Variants in XXYLT1 observed in about 807,000 individuals in gnomAD.
The protein encoded by XXYLT1 is xyloside xylosyltransferase 1, also known as UDP-xylose:alpha-xyloside alpha-1,3-xylosyltransferase.
A neutral mutation model predicts 28.9 loss-of-function variants in XXYLT1; 20 were observed. The observed-to-expected ratio is 0.69, with a 90% confidence interval of 0.49 to 1.00. The LOEUF (loss-of-function observed/expected upper bound fraction) is 1.00, where lower values mean the gene tolerates loss of function less well. XXYLT1 is among the 50% of genes least tolerant of loss of function. The probability of loss-of-function intolerance (pLI) is 0.00; values close to 1 mark genes in which losing one functional copy is unlikely to be tolerated. For missense variants in XXYLT1, 542 were observed against 560.1 expected, an observed-to-expected ratio of 0.97 and a Z score of 0.33; for synonymous variants, 257 against 253.8, an observed-to-expected ratio of 1.01 and a Z score of -0.12.
In XXYLT1 at chr3:195,196,116, C is replaced by T. The variant is rs562684085; in HGVS notation, c.652+30593G>A. On this transcript the variant is annotated intron_variant, in intron 2 of 3. Transcript: ENST00000310380. ...AACCCTGTGCCTGATGGAAACGCTC[C>T]GCACCCGCACTGTCCAATAGAGTAG... 5.6e-4 allele frequency among the ~76,000 whole-genome samples: 86 copies of T among 152,338 alleles called. 2 individuals carry two copies. Among genetic ancestry groups the T allele is most frequent in the Admixed American group, 7.2e-4 (11 of 15,306 alleles).
chr3:195,262,738 T>C (rs969421084), intron 1 of XXYLT1, among the ~76,000 whole-genome samples: 1 of 152,246 alleles, frequency 6.6e-6, no homozygotes, highest in African/African-American at 2.4e-5. Context: ...TTGTATTTGA[T>C]ACAATACTAT....
chr3:195,192,803 T>C (rs1722479444), intron 2 of XXYLT1, among the ~76,000 whole-genome samples: 1 of 152,146 alleles, frequency 6.6e-6, no homozygotes. Context: ...AACTAAGCAA[T>C]TGATTAATTA....
intron 3 of XXYLT1, among the ~76,000 whole-genome samples, chr3:195,101,259 C>T (rs1438353495): frequency 6.6e-6 from 1 of 152,262 alleles, no homozygotes; most frequent in Non-Finnish European, 1.5e-5. Flanking sequence ...TGATTGGGAG[C>T]AATTAAGGAG....
intron 2 of XXYLT1, among the ~76,000 whole-genome samples, chr3:195,202,722 T>C (rs1018462754): frequency 3.0e-4 from 46 of 152,350 alleles, no homozygotes; most frequent in Admixed American, 2.3e-3. Flanking sequence ...ATCCGATGCA[T>C]AGTTTCCAGT....
chr3:195,221,763 A>G (rs1242947452), intron 2 of XXYLT1, among the ~76,000 whole-genome samples: 1 of 151,780 alleles, frequency 6.6e-6, no homozygotes, highest in Non-Finnish European at 1.5e-5. Flanking sequence ...TTTCCATTGC[A>G]TAAGATGCTT....
intron 2 of XXYLT1, 31 bp from the exon 3 acceptor site, chr3:195,156,612 C>G (rs1720608733): frequency 6.2e-7 from 1 of 1,612,088 alleles, no homozygotes; most frequent in South Asian, 1.1e-5. Context: ...CAATGAGACA[C>G]AGGTACACCT....
chr3:195,270,399 G>A (rs1045117737), intron 1 of XXYLT1, 156 bp downstream of exon 1: 12 of 981,196 alleles, frequency 1.2e-5, no homozygotes, highest in Non-Finnish European at 1.2e-6. Flanking sequence ...GCCCCCGAAC[G>A]AGCCCTCCCG....
rs148803632 is a variant in XXYLT1, at chr3:195,222,761, C to G, written c.652+3948G>C. On this transcript the variant is annotated intron_variant, in intron 2 of 3. Coordinates refer to ENST00000310380, the MANE Select transcript of XXYLT1 (RefSeq NM_152531.5). ...GACGTGAGCCATTAACTGAAAAAAT[C>G]ATGACATAGCTTCATTTGTACAATT... Among the ~76,000 whole-genome samples the G allele has an allele frequency of 8.2e-4, 125 of 152,132 alleles. 1 individual carries two copies. Among genetic ancestry groups the G allele is most frequent in the Middle Eastern group, 6.8e-3 (2 of 294 alleles).
intron 1 of XXYLT1, among the ~76,000 whole-genome samples, chr3:195,263,479 C>T (rs1358092406): frequency 6.6e-6 from 1 of 152,200 alleles, no homozygotes; most frequent in Non-Finnish European, 1.5e-5. Context: ...CGAGTTCTCA[C>T]TCTCACTCAC....
chr3:195,138,180 G>T (rs570510713), intron 3 of XXYLT1, among the ~76,000 whole-genome samples: 52 of 152,346 alleles, frequency 3.4e-4, no homozygotes, highest in Admixed American at 1.0e-3. Flanking sequence ...GGAAATTTAA[G>T]TGATTTGGTT....
chr3:195,154,687 A>G (rs1033339027), intron 3 of XXYLT1, among the ~76,000 whole-genome samples: 1 of 152,280 alleles, frequency 6.6e-6, no homozygotes, highest in South Asian at 2.1e-4. Context: ...CAAAACCCCA[A>G]GTCAAAAGTC....
chr3:195,129,547 C>T lies in XXYLT1; in HGVS notation c.785+26902G>A, dbSNP rs921881914. On this transcript the variant is annotated intron_variant, in intron 3 of 3. Transcript: ENST00000310380. The surrounding 1 kb of genome is among the most constrained non-coding windows in gnomAD (Gnocchi z 4.4). Reference sequence around the variant, plus strand: ...AATGCTTTCAAGGTGCATCGTGCTGCGGCATGTATCAATTCTTCATTCCCT... The same window carrying T: ...AATGCTTTCAAGGTGCATCGTGCTGTGGCATGTATCAATTCTTCATTCCCT... Among the ~76,000 whole-genome samples the T allele has an allele frequency of 2.3e-4, 35 of 152,154 alleles. No homozygotes were observed. Among genetic ancestry groups the T allele is most frequent in the Admixed American group, 2.0e-4 (3 of 15,280 alleles).
intron 3 of XXYLT1, among the ~76,000 whole-genome samples, chr3:195,143,741 G>GAAAAGT (rs1315444589): frequency 7.0e-6 from 1 of 143,582 alleles, no homozygotes; most frequent in Non-Finnish European, 1.5e-5. Context: ...ACATTTACTA[G>GAAAAGT]ATGATCACCT....
chr3:195,224,949 A>G, intron 2 of XXYLT1, among the ~76,000 whole-genome samples: 1 of 152,194 alleles, frequency 6.6e-6, no homozygotes, highest in South Asian at 2.1e-4. Context: ...GAACAGAACC[A>G]CGTCCTTCTC....
intron 2 of XXYLT1, among the ~76,000 whole-genome samples, chr3:195,198,112 T>C (rs1722706065): frequency 6.6e-6 from 1 of 152,248 alleles, no homozygotes; most frequent in Admixed American, 6.5e-5. Context: ...GGATAGAGCA[T>C]ATATGAGGTT....
intron 3 of XXYLT1, among the ~76,000 whole-genome samples, chr3:195,089,119 A>C (rs1302451242): frequency 2.0e-5 from 3 of 150,540 alleles, no homozygotes; most frequent in Non-Finnish European, 4.5e-5. Flanking sequence ...ATTATCCAGG[A>C]GAACTTCCCC....
At chr3:195,261,676 G>GT (rs558580332) in intron 1 of XXYLT1, among the ~76,000 whole-genome samples, 623 of 152,130 alleles carry the variant, frequency 4.1e-3, no homozygotes, top group Middle Eastern at 0.014. Context: ...CAAGGTAACT[G>GT]TTTTTTGGGG....
At chr3:195,177,891 T>C (rs1484779262) in intron 2 of XXYLT1, among the ~76,000 whole-genome samples, 2 of 147,784 alleles carry the variant, frequency 1.4e-5, no homozygotes, top group Non-Finnish European at 3.0e-5. Context: ...GCTGTGTTCA[T>C]GCCACCGCAC....
chr3:195,240,650 G>A lies in XXYLT1; in HGVS notation c.505-13794C>T, dbSNP rs1026756520. 1.3e-5 allele frequency among the ~76,000 whole-genome samples: 2 copies of A among 152,216 alleles called. No individual in the cohort carries two copies. Among genetic ancestry groups the A allele is most frequent in the Admixed American group, 6.5e-5 (1 of 15,284 alleles). On this transcript the variant is annotated intron_variant, in intron 1 of 3. Coordinates refer to ENST00000310380, the MANE Select transcript of XXYLT1 (RefSeq NM_152531.5). This position sits in a 1 kb window ranked among gnomAD's most constrained non-coding sequence, Gnocchi z 4.7. ...CAGACAGCAACGCCACAGGTCGGCCGGAGGCCAAGGGTTCACCCATCTCCT... is the reference window on the plus strand; with the variant it reads ...CAGACAGCAACGCCACAGGTCGGCCAGAGGCCAAGGGTTCACCCATCTCCT...
Sources: allele counts gnomAD v4.1 joint callset (sites outside exome capture counted in the v4.1 genomes callset), GRCh38; gene constraint gnomAD v4.1.1; non-coding constraint Gnocchi (gnomAD v3.1); transcripts MANE v1.5; gene names NCBI Gene and HGNC (gene_info 2026-07-23, HGNC 2026-07-21).